Variants in GRM5 observed in about 807,000 individuals in gnomAD.
The protein encoded by GRM5 is glutamate metabotropic receptor 5.
GRM5 carries 19 observed loss-of-function variants against 83.1 expected under a neutral mutation model. The observed-to-expected ratio is 0.23, with a 90% CI of 0.16 to 0.34. The LOEUF is 0.34. GRM5 is among the 10% of genes least tolerant of loss of function. GRM5 has a pLI of 1.00. For synonymous variants in GRM5, 675 were observed against 633.6 expected (o/e 1.07, Z -0.98); for missense variants, 1,160 against 1,588.3 (o/e 0.73, Z 4.58).
At chr11:88,903,394 G>T (rs1945349144) in intron 2 of GRM5, among the ~76,000 whole-genome samples, 1 of 152,160 alleles carries the variant, frequency 6.6e-6, no homozygotes, top group African/African-American at 2.4e-5. Flanking sequence ...TCCCACTACT[G>T]GCTATCTGCC....
At chr11:88,744,236 A>G (rs2135419570) in intron 3 of GRM5, among the ~76,000 whole-genome samples, 1 of 152,306 alleles carries the variant, frequency 6.6e-6, no homozygotes, top group Non-Finnish European at 1.5e-5. Flanking sequence ...ATATTAATGA[A>G]AGGCCAGAGG....
intron 6 of GRM5, among the ~76,000 whole-genome samples, chr11:88,592,988 C>T (rs190176503): frequency 6.6e-6 from 1 of 152,050 alleles, no homozygotes; most frequent in East Asian, 1.9e-4. Flanking sequence ...TATTTTTGTT[C>T]CTTATTTTTT....
At chr11:88,772,410 T>A (rs529421519) in intron 3 of GRM5, among the ~76,000 whole-genome samples, 48 of 152,028 alleles carry the variant, frequency 3.2e-4, no homozygotes, top group East Asian at 1.5e-3. Flanking sequence ...GTACTTTTTT[T>A]ATTTTTTTTT....
intron 8 of GRM5, among the ~76,000 whole-genome samples, chr11:88,539,335 T>C (rs892379474): frequency 6.6e-6 from 1 of 152,234 alleles, no homozygotes; most frequent in African/African-American, 2.4e-5. Flanking sequence ...TCTACTTGTT[T>C]ACCAGAGTTT....
rs1257011363 is a variant in GRM5 at position 88,672,321 on chromosome 11, TA to T, written c.912-18919del. Among the ~76,000 whole-genome samples the T allele has an allele frequency of 4.6e-5, 7 of 152,102 alleles. No individual in the cohort carries two copies. In the East Asian group the frequency reaches 1.2e-3, roughly 25 times the overall value. On this transcript the variant is annotated intron_variant, in intron 3 of 9. Coordinates refer to ENST00000305447, the MANE Select transcript of GRM5 (RefSeq NM_001143831.3). ...TTAAGTATCTACTATGTTCCAAGCC[TA>T]AGTCAAATTTGATGACAAACATATT...
intron 2 of GRM5, among the ~76,000 whole-genome samples, chr11:88,906,502 T>C (rs488006): frequency 0.49 from 74,500 of 152,012 alleles, 19,447 homozygotes; most frequent in South Asian, 0.65. Flanking sequence ...TGGATTATTT[T>C]TGTCTGTTTT....
chr11:88,886,194 C>T (rs950360431), intron 2 of GRM5, among the ~76,000 whole-genome samples: 8 of 152,152 alleles, frequency 5.3e-5, no homozygotes, highest in African/African-American at 1.4e-4. Flanking sequence ...CTCTTCTCTT[C>T]GGCCTATTAA....
intron 2 of GRM5, among the ~76,000 whole-genome samples, chr11:89,004,646 A>T (rs1391759460): frequency 1.3e-5 from 2 of 152,098 alleles, no homozygotes. Context: ...AATAGTTCCG[A>T]ATTTAGGCTC....
chr11:88,779,274 G>A (rs1481981689), intron 3 of GRM5, among the ~76,000 whole-genome samples: 1 of 152,214 alleles, frequency 6.6e-6, no homozygotes, highest in Non-Finnish European at 1.5e-5. Context: ...GCCTTTCACA[G>A]CTGTTTGGGA....
intron 2 of GRM5, among the ~76,000 whole-genome samples, chr11:88,992,922 G>A (rs1295164939): frequency 1.3e-5 from 2 of 151,712 alleles, no homozygotes; most frequent in Non-Finnish European, 2.9e-5. Context: ...TGTAAATGAC[G>A]AGTTAATGGG....
At chr11:88,678,462 C>T (rs949998128) in intron 3 of GRM5, among the ~76,000 whole-genome samples, 2 of 152,142 alleles carry the variant, frequency 1.3e-5, no homozygotes, top group African/African-American at 4.8e-5. Flanking sequence ...TGCTCACCAT[C>T]AGTACTCATT....
In GRM5 at chr11:88,843,668, A is replaced by T. The variant is rs116504078; in HGVS notation, c.911+6238T>A. On this transcript the variant is annotated intron_variant, in intron 3 of 9. Coordinates refer to ENST00000305447, the MANE Select transcript of GRM5 (RefSeq NM_001143831.3). Reference sequence around the variant, plus strand: ...AACTTTAAATCAAAAGCTAGAAATGATTATACTTAATGAGGAAGGTAAGGT... The same window carrying T: ...AACTTTAAATCAAAAGCTAGAAATGTTTATACTTAATGAGGAAGGTAAGGT... Among the ~76,000 whole-genome samples, 226 of 152,364 alleles carry T rather than the reference A, an allele frequency of 1.5e-3. 1 individual carries two copies. The highest frequency in any genetic ancestry group is 5.1e-3 in the African/African-American group (211 of 41,584).
intron 3 of GRM5, among the ~76,000 whole-genome samples, chr11:88,756,130 G>T (rs1942389323): frequency 6.6e-6 from 1 of 152,116 alleles, no homozygotes; most frequent in Non-Finnish European, 1.5e-5. Context: ...CATGGAAACA[G>T]CCTTACTTTA....
At position 88,849,919 on chromosome 11, in the gene GRM5, G is replaced by T; in HGVS notation, c.898C>A (p.Leu300Met). Reference protein sequence around the residue: ...MRRLGLAGEFLLLGSDGWADR... With the variant: ...MRRLGLAGEFMLLGSDGWADR... The stretch of plus-strand genomic sequence containing the variant: ...ATTATCACTCACCTGCCCAGAAGCA[G>T]AAATTCTCCCGCTAGACCCAGGCGC... The change falls in exon 3 of 10, where the codon CTG becomes ATG. Residue 300 changes from leucine (L) to methionine (M), a missense_variant. This residue lies in a region of GRM5 where 84 missense variants were observed against 231.0 expected (regional missense o/e 0.36). Transcript: ENST00000305447. The T allele has an allele frequency of 6.2e-7, 1 of 1,614,090 alleles. No homozygotes were observed. Among genetic ancestry groups the T allele is most frequent in the Non-Finnish European group, 8.5e-7 (1 of 1,179,972 alleles).
At chr11:88,605,828 T>C (rs968375245) in intron 4 of GRM5, among the ~76,000 whole-genome samples, 2 of 152,224 alleles carry the variant, frequency 1.3e-5, no homozygotes, top group African/African-American at 2.4e-5. Context: ...AAGTATGGAC[T>C]TAGTGCCTGT....
intron 3 of GRM5, among the ~76,000 whole-genome samples, chr11:88,839,331 ACCTT>A (rs1316206107): frequency 1.3e-5 from 2 of 152,218 alleles, no homozygotes; most frequent in African/African-American, 4.8e-5. Context: ...CCAATGAGCT[ACCTT>A]CCTTAATTTA....
At chr11:88,889,385 C>T (rs1285454395) in intron 2 of GRM5, among the ~76,000 whole-genome samples, 1 of 152,110 alleles carries the variant, frequency 6.6e-6, no homozygotes, top group Non-Finnish European at 1.5e-5. Flanking sequence ...TGGGTCAGAT[C>T]TCTTTCACTG....
intron 3 of GRM5, among the ~76,000 whole-genome samples, chr11:88,783,856 T>G (rs1943019017): frequency 6.6e-6 from 1 of 152,108 alleles, no homozygotes; most frequent in Non-Finnish European, 1.5e-5. Flanking sequence ...TATAGGTTAG[T>G]ACCTGCAAAG....
intron 4 of GRM5, among the ~76,000 whole-genome samples, chr11:88,623,734 C>T (rs1874946): frequency 0.56 from 85,218 of 151,930 alleles, 27,520 homozygotes; most frequent in South Asian, 0.81. Flanking sequence ...ATCAAGTTCA[C>T]GATAGGGTGC....
Sources: gnomAD v4.1 joint callset for allele counts (sites outside exome capture counted in the v4.1 genomes callset) on GRCh38, gnomAD v4.1.1 for gene constraint, gnomAD v4.1.1 regional missense constraint, MANE v1.5 for transcripts, NCBI Gene and HGNC (gene_info 2026-07-23, HGNC 2026-07-21) for gene names.